NFATC3: variants seen among roughly 807,000 people sequenced by gnomAD.
NFATC3 encodes the protein nuclear factor of activated T-cells, cytoplasmic 3.
NFATC3 carries 46 observed loss-of-function variants against 98.6 expected under a neutral mutation model. The observed-to-expected ratio is 0.47, with a 90% CI of 0.37 to 0.60. The LOEUF (loss-of-function observed/expected upper bound fraction) is 0.60, where lower values mean the gene tolerates loss of function less well. Among genes scored for constraint, NFATC3 ranks in the 20% least tolerant of loss-of-function variants. The probability of loss-of-function intolerance (pLI) is 0.00; values close to 1 mark genes in which losing one functional copy is unlikely to be tolerated. For synonymous variants in NFATC3, 512 were observed against 472.2 expected (o/e 1.08, Z -1.09); for missense variants, 1,256 against 1,295.5 (o/e 0.97, Z 0.47).
At chr16:68,165,727 A>G (rs1272809545) in intron 4 of NFATC3, among the ~76,000 whole-genome samples, 3 of 152,060 alleles carry the variant, frequency 2.0e-5, no homozygotes, top group Admixed American at 6.5e-5. Flanking sequence ...GTTCTGTAAT[A>G]TATTGTCCTT....
At chr16:68,200,737 A>G (rs2040877632) in intron 9 of NFATC3, 1 of 152,032 alleles carries the variant, frequency 6.6e-6, no homozygotes, top group South Asian at 2.1e-4. Context: ...ATATCATTGC[A>G]CCTCCTTGAA....
chr16:68,173,652 C>G (rs979360782), intron 5 of NFATC3, among the ~76,000 whole-genome samples: 1 of 152,188 alleles, frequency 6.6e-6, no homozygotes, highest in Non-Finnish European at 1.5e-5. Flanking sequence ...CTTGTCTTCT[C>G]TTCATTGCAC....
At chr16:68,155,643 C>T (rs2038571251) in intron 3 of NFATC3, among the ~76,000 whole-genome samples, 2 of 152,128 alleles carry the variant, frequency 1.3e-5, no homozygotes, top group Admixed American at 6.6e-5. Flanking sequence ...ACATTCCACC[C>T]GCCAGGCCTT....
intron 8 of NFATC3, among the ~76,000 whole-genome samples, chr16:68,183,774 C>T (rs1181995310): frequency 6.6e-6 from 1 of 151,798 alleles, no homozygotes; most frequent in Non-Finnish European, 1.5e-5. Context: ...GAGGCCGAGG[C>T]GGGAGGATCA....
intron 2 of NFATC3, among the ~76,000 whole-genome samples, chr16:68,124,072 G>T (rs940581755): frequency 6.6e-6 from 1 of 151,950 alleles, no homozygotes; most frequent in African/African-American, 2.4e-5. Flanking sequence ...CAACTTTTAT[G>T]TATTAAATTC....
chr16:68,098,302 T>A (rs1369565723), intron 1 of NFATC3, among the ~76,000 whole-genome samples: 12 of 119,574 alleles, frequency 1.0e-4, no homozygotes, highest in East Asian at 4.4e-4. Flanking sequence ...TTATTATTAT[T>A]TTTTTTTTTT....
chr16:68,204,919 C>T (rs996584027), intron 9 of NFATC3, among the ~76,000 whole-genome samples: 24 of 151,642 alleles, frequency 1.6e-4, no homozygotes, highest in African/African-American at 5.8e-4. Context: ...TTACCTCTTG[C>T]TAACAATCAT....
chr16:68,090,322 A>AACACACACACAC (rs60304758), intron 1 of NFATC3, among the ~76,000 whole-genome samples: 5 of 125,882 alleles, frequency 4.0e-5, no homozygotes, highest in African/African-American at 1.5e-4. Flanking sequence ...TTTCTTTAAA[A>AACACACACACAC]ACACACACAC....
At chr16:68,155,417 A>G (rs970210804) in intron 3 of NFATC3, among the ~76,000 whole-genome samples, 2 of 152,214 alleles carry the variant, frequency 1.3e-5, no homozygotes, top group African/African-American at 2.4e-5. Context: ...CCCAAGATCT[A>G]GTAACATAGC....
At chr16:68,173,172 G>C (rs900402765) in intron 5 of NFATC3, among the ~76,000 whole-genome samples, 21 of 152,064 alleles carry the variant, frequency 1.4e-4, no homozygotes, top group African/African-American at 4.4e-4. Flanking sequence ...TGAGGTGGGA[G>C]TATTGCTTGA....
At chr16:68,220,991 C>G (rs1383068697) in intron 9 of NFATC3, among the ~76,000 whole-genome samples, 2 of 152,158 alleles carry the variant, frequency 1.3e-5, no homozygotes, top group Non-Finnish European at 2.9e-5. Context: ...AAACAATCTT[C>G]CTGCCTTGGC....
In NFATC3 at chr16:68,162,408, G is replaced by A. The variant is rs1364594957; in HGVS notation, c.1601+4340G>A. Among the ~76,000 whole-genome samples the A allele has an allele frequency of 4.6e-5, 7 of 152,196 alleles. No homozygotes were observed. The South Asian group carries it at 8.3e-4, about 18-fold the overall frequency. The stretch of plus-strand genomic sequence containing the variant: ...ATAATATAGTTCCAGATAATGGTAG[G>A]TTTAAAATTCCCAGGTGATAGATAA... On this transcript the variant is annotated intron_variant, in intron 4 of 9. Transcript: ENST00000346183.
chr16:68,222,942 A>G (rs899825696), intron 9 of NFATC3, among the ~76,000 whole-genome samples: 5 of 152,116 alleles, frequency 3.3e-5, no homozygotes, highest in Admixed American at 6.5e-5. Flanking sequence ...ACTCTTCCTT[A>G]TATTTTTTGT....
intron 8 of NFATC3, 77 bp from the exon 9 acceptor site, chr16:68,190,691 G>A: frequency 2.7e-6 from 4 of 1,454,780 alleles, no homozygotes; most frequent in Non-Finnish European, 3.7e-6. Context: ...CTGTAGTTGT[G>A]TAACCTAGCA....
At chr16:68,150,854 G>A (rs969456964) in intron 3 of NFATC3, among the ~76,000 whole-genome samples, 6 of 151,894 alleles carry the variant, frequency 4.0e-5, no homozygotes, top group Admixed American at 6.6e-5. Context: ...CTTTGTAAGT[G>A]TTTGGTAGTT....
Position 68,122,385 on chromosome 16 carries a change from A to G in NFATC3, c.502A>G (p.Ser168Gly). 1.9e-6 allele frequency: 3 copies of G among 1,614,148 alleles called. No homozygotes were observed. The highest frequency in any genetic ancestry group is 2.5e-6 in the Non-Finnish European group (3 of 1,180,014). The change falls in exon 2 of 10, where the codon AGC (serine) becomes GGC (glycine). Residue 168 changes from serine (S) to glycine (G), a missense_variant. Around this residue, in one of 3 missense-constraint regions of NFATC3, gnomAD observed 464 missense variants for 465.7 expected, o/e 1.00. Transcript: ENST00000346183. Reference sequence around the variant, plus strand: ...GTCTTCTCTTAGTCCTAGTCCTGCCAGCAGCATCTCTTCTAGGAGTTGGTT... The same window carrying G: ...GTCTTCTCTTAGTCCTAGTCCTGCCGGCAGCATCTCTTCTAGGAGTTGGTT... ...RESSLSPSPASSISSRSWFSD... is the reference protein window; with the variant it reads ...RESSLSPSPAGSISSRSWFSD...
intron 1 of NFATC3, among the ~76,000 whole-genome samples, chr16:68,121,361 A>G (rs2036571490): frequency 7.2e-6 from 1 of 139,640 alleles, no homozygotes; most frequent in Non-Finnish European, 1.5e-5. Context: ...AGAATTATGG[A>G]TGTGTTTTTT....
At chr16:68,090,280 T>G (rs897318754) in intron 1 of NFATC3, among the ~76,000 whole-genome samples, 1 of 141,122 alleles carries the variant, frequency 7.1e-6, no homozygotes, top group African/African-American at 2.7e-5. Context: ...TAACTAAAAT[T>G]TTTTTAAACA....
chr16:68,113,907 G>A (rs1476987928), intron 1 of NFATC3, among the ~76,000 whole-genome samples: 2 of 152,212 alleles, frequency 1.3e-5, no homozygotes, highest in Non-Finnish European at 1.5e-5. Context: ...CGTCCAAACC[G>A]CCAAGTTTCC....
Sources: gnomAD v4.1 joint callset for allele counts (sites outside exome capture counted in the v4.1 genomes callset) on GRCh38, gnomAD v4.1.1 for gene constraint, gnomAD v4.1.1 regional missense constraint, MANE v1.5 for transcripts, NCBI Gene and HGNC (gene_info 2026-07-23, HGNC 2026-07-21) for gene names.